The following GNPTG variants were observed in gnomAD, a reference collection of about 807,000 sequenced individuals.
GNPTG encodes N-acetylglucosamine-1-phosphate transferase subunit gamma.
GNPTG carries 46 observed loss-of-function variants against 43.8 expected under a neutral mutation model. The observed-to-expected ratio is 1.05, with a 90% CI of 0.83 to 1.34. GNPTG has a LOEUF of 1.34. Among genes scored for constraint, GNPTG ranks in the 40% most tolerant of loss-of-function variants. The pLI is 0.00. For missense variants in GNPTG, 549 were observed against 411.3 expected (o/e 1.33, Z -2.90); for synonymous variants, 250 against 172.8 (o/e 1.45, Z -3.50).
Position 1,362,333 on chromosome 16 carries a change from G to A in GNPTG, c.526+13G>A. ...CACGCCTTGCTAGGTAGGGGTGCGG[G>A]ACGCAGTTGAGCCCAGTGGGGTCAG... On this transcript the variant is annotated intron_variant, in intron 7 of 10. Transcript: ENST00000204679. The A allele has an allele frequency of 1.9e-6, 3 of 1,612,160 alleles. No homozygotes were observed. The highest frequency in any genetic ancestry group is 1.1e-5 in the South Asian group (1 of 91,026).
chr16:1,360,203 C>T lies in GNPTG; in HGVS notation c.179-1540C>T, dbSNP rs1270617674. Among the ~76,000 whole-genome samples, 9 of 152,268 alleles carry T rather than the reference C, an allele frequency of 5.9e-5. No homozygotes were observed. In the East Asian group the frequency reaches 1.7e-3, roughly 29 times the overall value. On this transcript the variant is annotated intron_variant, in intron 3 of 10. Transcript: ENST00000204679. ...TAATTGTGGTGTCTTGGCACATTGACCCTTTTATCAATGTATAACATCTTT... is the reference window on the plus strand; with the variant it reads ...TAATTGTGGTGTCTTGGCACATTGATCCTTTTATCAATGTATAACATCTTT...
intron 3 of GNPTG, 164 bp from the exon 4 acceptor site, chr16:1,361,579 G>C (rs998621683): frequency 4.2e-6 from 3 of 715,672 alleles, no homozygotes; most frequent in African/African-American, 1.8e-5. Flanking sequence ...GGGAGGCGGA[G>C]CTTGAAGTGA....
chr16:1,359,265 G>A (rs925076581), intron 3 of GNPTG, among the ~76,000 whole-genome samples: 1 of 151,956 alleles, frequency 6.6e-6, no homozygotes, highest in African/African-American at 2.4e-5. Flanking sequence ...TCACTCCCTT[G>A]ATGGGTTTGT....
rs1445867899 is a variant in GNPTG, at chr16:1,362,018, C to T, written c.318-20C>T. 1 of 1,612,702 alleles carries T rather than the reference C, an allele frequency of 6.2e-7. No individual in the cohort carries two copies. Among genetic ancestry groups the T allele is most frequent in the Non-Finnish European group, 8.5e-7 (1 of 1,179,662 alleles). Reference sequence around the variant, plus strand: ...GCAGCTCCCCACCCGGCCTCACGTGCCGTGCCCGTGTCTCCCCAGCATCTG... The same window carrying T: ...GCAGCTCCCCACCCGGCCTCACGTGTCGTGCCCGTGTCTCCCCAGCATCTG... On this transcript the variant is annotated intron_variant, in intron 5 of 10. Transcript: ENST00000204679.
In GNPTG at chr16:1,352,001, C is replaced by T. The variant is rs1567179547; in HGVS notation, c.36C>T (p.Leu12=). The part of the protein sequence containing the change: ...AAGLARLLLL[L]GLSAGGPAPA... ...GGCTGGCGCGGCTCCTGTTGCTCCT[C>T]GGGCTCTCGGCCGGCGGTGAGTGGC... The change falls in exon 1 of 11, where the codon CTC becomes CTT. Residue 12 remains leucine, a synonymous_variant. Transcript: ENST00000204679. 4.1e-6 allele frequency: 6 copies of T among 1,451,772 alleles called. No individual in the cohort carries two copies. Among genetic ancestry groups the T allele is most frequent in the Admixed American group, 2.5e-5 (1 of 39,388 alleles). 89.9% of individuals were successfully genotyped at this position (1,451,772 alleles called of 1,614,324 possible). A position where few individuals can be genotyped will look rare whatever the true frequency, so the allele number is the denominator to read the frequency against.
chr16:1,352,121 A>C lies in GNPTG; in HGVS notation c.72A>C (p.Ala24=), dbSNP rs2141632943. 3 of 1,581,126 alleles carry C rather than the reference A, an allele frequency of 1.9e-6. No individual in the cohort carries two copies. Among genetic ancestry groups the C allele is most frequent in the South Asian group, 2.3e-5 (2 of 86,810 alleles). ...CCGTAGGGCCCGCGCCGGCAGGTGC[A>C]GCGAAGATGAAGGTGGTGGAGGAGC... ...LSAGGPAPAG[A]AKMKVVEEPN... is the part of the protein sequence containing the mutation. The change falls in exon 2 of 11, where the codon GCA becomes GCC. Residue 24 remains alanine (A), a synonymous_variant. Transcript: ENST00000204679.
At chr16:1,362,428 GCCT>G (rs1446355215) in intron 7 of GNPTG, 21 bp from the exon 8 acceptor site, 5 of 1,613,138 alleles carry the variant, frequency 3.1e-6, no homozygotes, top group Non-Finnish European at 3.4e-6. Context: ...GTGCAGCTGA[GCCT>G]GGCTTCTCTT....
At position 1,352,018 on chromosome 16, in the gene GNPTG, G is replaced by A. The variant is rs2141632749; in HGVS notation, c.52+1G>A. 1 of 1,474,470 alleles carries A rather than the reference G, an allele frequency of 6.8e-7. No homozygotes were observed. Among genetic ancestry groups the A allele is most frequent in the Non-Finnish European group, 8.9e-7 (1 of 1,118,134 alleles). 91.3% of individuals were successfully genotyped at this position (1,474,470 alleles called of 1,614,324 possible). On this transcript the variant is annotated splice_donor_variant, in intron 1 of 10. Coordinates refer to ENST00000204679, the MANE Select transcript of GNPTG (RefSeq NM_032520.5). LOFTEE classifies it high-confidence loss of function. Reference sequence around the variant, plus strand: ...TTGCTCCTCGGGCTCTCGGCCGGCGGTGAGTGGCCCGGCCGTCCGCGTCCC... The same window carrying A: ...TTGCTCCTCGGGCTCTCGGCCGGCGATGAGTGGCCCGGCCGTCCGCGTCCC...
At chr16:1,359,274 G>T (rs936554821) in intron 3 of GNPTG, among the ~76,000 whole-genome samples, 2 of 150,810 alleles carry the variant, frequency 1.3e-5, no homozygotes, top group African/African-American at 4.9e-5. Flanking sequence ...TGATGGGTTT[G>T]TTTTTTTTTC....
At chr16:1,360,245 T>A (rs1353212012) in intron 3 of GNPTG, among the ~76,000 whole-genome samples, 1 of 152,240 alleles carries the variant, frequency 6.6e-6, no homozygotes, top group African/African-American at 2.4e-5. Flanking sequence ...TAAAATAGTT[T>A]CAGCCACTTC....
chr16:1,357,114 A>G (rs974773115), intron 3 of GNPTG, among the ~76,000 whole-genome samples: 1 of 152,148 alleles, frequency 6.6e-6, no homozygotes, highest in Non-Finnish European at 1.5e-5. Flanking sequence ...CAGGTGTGAC[A>G]GGGCTGAGGT....
chr16:1,361,677 C>CG (rs1491285413), intron 3 of GNPTG, 66 bp from the exon 4 acceptor site: 1 of 1,552,774 alleles, frequency 6.4e-7, no homozygotes, highest in Non-Finnish European at 8.9e-7. Context: ...TGAAAACAGA[C>CG]TCTGCCAGTC....
At chr16:1,356,901 GTGCGGGCGAGAGTGTGCGGGCGGGGGTC>G (rs1234033787) in intron 3 of GNPTG, among the ~76,000 whole-genome samples, 1 of 9,462 alleles carries the variant, frequency 1.1e-4, no homozygotes, top group African/African-American at 2.9e-4. Context: ...GGGCGGGAGT[GTGCGGGCGAGAGTGTGCGGGCGGGGGTC>G]TGCGGGCGGG....
chr16:1,352,932 A>AAT (rs1271106879), intron 3 of GNPTG, among the ~76,000 whole-genome samples: 1 of 151,646 alleles, frequency 6.6e-6, no homozygotes, highest in East Asian at 1.9e-4. Flanking sequence ...TTAAACGCTG[A>AAT]ATGAGTATTA....
At position 1,363,723 on chromosome 16, in the gene GNPTG, G is replaced by GGCCCCAGGGCACACA. The variant is rs2035019095; in HGVS notation, c.*641_*655dup. ...CATGGCCACCAAGACAGGTGAGGGA[G>GGCCCCAGGGCACACA]GCCCCAGGGCACACAGCCCCAGGAT... On this transcript the variant is annotated 3_prime_UTR_variant, in exon 11 of 11. Transcript: ENST00000204679. 2 of 164,138 alleles carry GGCCCCAGGGCACACA rather than the reference G, an allele frequency of 1.2e-5. No homozygotes were observed. Among genetic ancestry groups the GGCCCCAGGGCACACA allele is most frequent in the Non-Finnish European group, 2.7e-5 (2 of 74,952 alleles). The allele number at this position is 164,138 out of a possible 1,614,324, so 10.2% of individuals were successfully genotyped here.
At position 1,361,814 on chromosome 16, in the gene GNPTG, T is replaced by TGCGAGGGTGGGC. The variant is rs748272191; in HGVS notation, c.233+18_233+29dup. On this transcript the variant is annotated intron_variant, in intron 4 of 10. Coordinates refer to ENST00000204679, the MANE Select transcript of GNPTG (RefSeq NM_032520.5). Reference sequence around the variant, plus strand: ...GGAGTCCACGTGAGTGCAGGGTGGGTGCGAGGGTGGGCTGGGGCGCAGCCT... The same window carrying TGCGAGGGTGGGC: ...GGAGTCCACGTGAGTGCAGGGTGGGTGCGAGGGTGGGCGCGAGGGTGGGCTGGGGCGCAGCCT... The TGCGAGGGTGGGC allele has an allele frequency of 1.2e-4, 190 of 1,607,670 alleles. 1 individual carries two copies. In the African/African-American group the frequency reaches 2.2e-3, roughly 18 times the overall value.
At chr16:1,360,833 C>T (rs2034855954) in intron 3 of GNPTG, 2 of 152,384 alleles carry the variant, frequency 1.3e-5, no homozygotes, top group African/African-American at 4.8e-5. Flanking sequence ...TGCACGAGGA[C>T]CTCCGTCTGC....
At position 1,362,091 on chromosome 16, in the gene GNPTG, G is replaced by C. The variant is rs1455293503; in HGVS notation, c.371G>C (p.Arg124Thr). 1.2e-6 allele frequency: 2 copies of C among 1,611,710 alleles called. No individual in the cohort carries two copies. Among genetic ancestry groups the C allele is most frequent in the African/African-American group, 2.7e-5 (2 of 74,884 alleles). Residue 124 changes from arginine (R) to threonine (T), a missense_variant, in exon 6 of 11, where the codon AGG becomes ACG. Arg to Thr is a moderately conservative substitution (Grantham distance 71, BLOSUM62 -1). Transcript: ENST00000204679. The part of the protein sequence containing the change: ...ANNTFTGMWM[R>T]DGDACRSRSR... ...AACACCTTCACGGGCATGTGGATGAGGGACGGTGACGCCTGCCGTTCCCGG... is the reference window on the plus strand; with the variant it reads ...AACACCTTCACGGGCATGTGGATGACGGACGGTGACGCCTGCCGTTCCCGG...
chr16:1,359,896 G>A (rs1429775950), intron 3 of GNPTG, among the ~76,000 whole-genome samples: 2 of 151,870 alleles, frequency 1.3e-5, no homozygotes, highest in Non-Finnish European at 2.9e-5. Flanking sequence ...GATCACCTGA[G>A]GTCAGGAGTT....
Sources: gnomAD v4.1 joint callset for allele counts (sites outside exome capture counted in the v4.1 genomes callset) on GRCh38, gnomAD v4.1.1 for gene constraint, MANE v1.5 for transcripts, NCBI Gene and HGNC (gene_info 2026-07-23, HGNC 2026-07-21) for gene names.